Variants in CNTN5 observed in about 807,000 individuals in gnomAD.
CNTN5 encodes the protein contactin 5, also known as contactin-5.
A neutral mutation model predicts 129.1 loss-of-function variants in CNTN5; 77 were observed. That is an observed-to-expected ratio of 0.60 (90% CI 0.50 to 0.72). The LOEUF is 0.72. Among genes scored for constraint, CNTN5 ranks in the 30% least tolerant of loss-of-function variants. The pLI, the probability that CNTN5 is intolerant of heterozygous loss-of-function variation, is 0.00. For missense variants in CNTN5, 1,478 were observed against 1,328.8 expected (o/e 1.11, Z -1.75); for synonymous variants, 509 against 465.6 (o/e 1.09, Z -1.20).
chr11:99,219,819 G>A (rs1040562118), intron 1 of CNTN5, among the ~76,000 whole-genome samples: 3 of 151,880 alleles, frequency 2.0e-5, no homozygotes, highest in African/African-American at 4.8e-5. Context: ...TGTAGATTAC[G>A]GCAGGAATCG....
At chr11:99,137,009 T>G (rs1033785377) in intron 1 of CNTN5, among the ~76,000 whole-genome samples, 2 of 152,168 alleles carry the variant, frequency 1.3e-5, no homozygotes, top group Admixed American at 1.3e-4. Context: ...AAGCAATATA[T>G]CTACTTATGA....
At chr11:100,277,260 T>C (rs998356431) in intron 18 of CNTN5, among the ~76,000 whole-genome samples, 8 of 152,220 alleles carry the variant, frequency 5.3e-5, no homozygotes, top group African/African-American at 1.9e-4. Flanking sequence ...ATATTGGCTA[T>C]GGTGAATATT....
At chr11:99,393,556 G>T (rs1366398551) in intron 2 of CNTN5, among the ~76,000 whole-genome samples, 2 of 151,756 alleles carry the variant, frequency 1.3e-5, no homozygotes, top group Non-Finnish European at 3.0e-5. Flanking sequence ...GTGGAGTTGG[G>T]ATTCAAACCT....
intron 9 of CNTN5, among the ~76,000 whole-genome samples, chr11:100,050,781 A>G (rs61908067): frequency 0.071 from 10,772 of 152,160 alleles, 495 homozygotes; most frequent in East Asian, 0.19. Flanking sequence ...CATCATAGGA[A>G]TGTTGAAGAG....
chr11:99,947,748 G>A (rs758416790), intron 7 of CNTN5, among the ~76,000 whole-genome samples: 6 of 152,040 alleles, frequency 3.9e-5, no homozygotes, highest in Admixed American at 1.3e-4. Context: ...CTACCTATAA[G>A]GGGGACAATT....
chr11:99,991,590 T>C (rs1939101882), intron 8 of CNTN5, among the ~76,000 whole-genome samples: 1 of 152,194 alleles, frequency 6.6e-6, no homozygotes, highest in Admixed American at 6.5e-5. Flanking sequence ...AATGGCAAGA[T>C]GCTAAATCCC....
intron 18 of CNTN5, among the ~76,000 whole-genome samples, chr11:100,289,823 C>G (rs1254077538): frequency 6.7e-6 from 1 of 149,718 alleles, no homozygotes; most frequent in South Asian, 2.1e-4. Context: ...TCAAATTGTC[C>G]CTGTTTGCAG....
intron 1 of CNTN5, among the ~76,000 whole-genome samples, chr11:99,176,344 C>G (rs1471612012): frequency 6.6e-6 from 1 of 152,044 alleles, no homozygotes; most frequent in Admixed American, 6.6e-5. Context: ...CATAGAATAC[C>G]ATCATGGATG....
chr11:100,152,279 C>A (rs1299779383), intron 13 of CNTN5, among the ~76,000 whole-genome samples: 1 of 152,052 alleles, frequency 6.6e-6, no homozygotes, highest in African/African-American at 2.4e-5. Flanking sequence ...ACAAGGTAGC[C>A]TTATTACAAA....
At chr11:99,745,654 G>A (rs1177275563) in intron 3 of CNTN5, among the ~76,000 whole-genome samples, 1 of 152,008 alleles carries the variant, frequency 6.6e-6, no homozygotes, top group South Asian at 2.1e-4. Flanking sequence ...AAAGGGGCCA[G>A]CAACATAAAT....
chr11:99,625,640 C>T (rs1403561536), intron 3 of CNTN5, among the ~76,000 whole-genome samples: 1 of 151,978 alleles, frequency 6.6e-6, no homozygotes, highest in Non-Finnish European at 1.5e-5. Context: ...AGAAATTTAA[C>T]AGCTATTAAT....
At chr11:99,375,173 C>T (rs548298233) in intron 2 of CNTN5, among the ~76,000 whole-genome samples, 1 of 151,624 alleles carries the variant, frequency 6.6e-6, no homozygotes, top group Non-Finnish European at 1.5e-5. Context: ...TGTGGTAGTA[C>T]GTGCCTGTGA....
intron 1 of CNTN5, among the ~76,000 whole-genome samples, chr11:99,220,020 G>C (rs989001394): frequency 4.6e-5 from 7 of 151,916 alleles, no homozygotes; most frequent in Admixed American, 4.6e-4. Context: ...AGAGAAAATG[G>C]CAATACATAG....
intron 2 of CNTN5, among the ~76,000 whole-genome samples, chr11:99,495,149 A>G (rs1168719079): frequency 1.3e-5 from 2 of 152,080 alleles, no homozygotes; most frequent in Non-Finnish European, 2.9e-5. Context: ...GCGGCAGATC[A>G]CGAAGTCAGG....
At chr11:99,218,549 A>G (rs1006672068) in intron 1 of CNTN5, among the ~76,000 whole-genome samples, 2 of 152,138 alleles carry the variant, frequency 1.3e-5, no homozygotes, top group Admixed American at 1.3e-4. Context: ...TTATTCTGAG[A>G]AAACACATGT....
chr11:99,599,644 A>G (rs1488755427), intron 3 of CNTN5, among the ~76,000 whole-genome samples: 1 of 152,136 alleles, frequency 6.6e-6, no homozygotes, highest in Non-Finnish European at 1.5e-5. Flanking sequence ...CTGATATACC[A>G]AGGTTAATAT....
intron 23 of CNTN5, among the ~76,000 whole-genome samples, chr11:100,343,462 T>C (rs1057003797): frequency 2.6e-5 from 4 of 152,032 alleles, no homozygotes; most frequent in African/African-American, 9.7e-5. Flanking sequence ...CAGGAAAGGC[T>C]TCCTGAGGGA....
At chr11:99,783,769 G>C (rs10082654) in intron 3 of CNTN5, among the ~76,000 whole-genome samples, 2 of 148,772 alleles carry the variant, frequency 1.3e-5, no homozygotes, top group Non-Finnish European at 3.0e-5. Context: ...GAATTGAACA[G>C]TGAGATCACA....
intron 2 of CNTN5, among the ~76,000 whole-genome samples, chr11:99,510,739 G>T (rs1946804267): frequency 1.3e-5 from 2 of 152,160 alleles, no homozygotes; most frequent in South Asian, 2.1e-4. Context: ...CTATTGGACT[G>T]CCAGTTACAT....
Sources: allele counts gnomAD v4.1 joint callset (sites outside exome capture counted in the v4.1 genomes callset), GRCh38; gene constraint gnomAD v4.1.1; transcripts MANE v1.5; gene names NCBI Gene and HGNC (gene_info 2026-07-23, HGNC 2026-07-21).